GALNTL6: variants seen among roughly 807,000 people sequenced by gnomAD.
The protein encoded by GALNTL6 is polypeptide N-acetylgalactosaminyltransferase-like 6.
In GALNTL6, 46 loss-of-function variants were observed where a neutral mutation model predicts 73.7. The observed-to-expected ratio is 0.62, with a 90% CI of 0.49 to 0.80. The LOEUF is 0.80. Among genes scored for constraint, GALNTL6 ranks in the 30% least tolerant of loss-of-function variants. GALNTL6 has a pLI of 0.00. For missense variants in GALNTL6, 604 were observed against 755.0 expected, an observed-to-expected ratio of 0.80 and a Z score of 2.34; for synonymous variants, 259 against 263.7, an observed-to-expected ratio of 0.98 and a Z score of 0.17.
At chr4:172,172,607 G>A (rs1405917406) in intron 2 of GALNTL6, among the ~76,000 whole-genome samples, 1 of 152,010 alleles carries the variant, frequency 6.6e-6, no homozygotes, top group Non-Finnish European at 1.5e-5. Context: ...AAGGACAGAG[G>A]CTTCAGAAGA....
At chr4:172,522,216 G>A (rs891101145) in intron 5 of GALNTL6, among the ~76,000 whole-genome samples, 8 of 152,024 alleles carry the variant, frequency 5.3e-5, no homozygotes, top group Admixed American at 2.6e-4. Flanking sequence ...TATTTAAAGG[G>A]ATACCAAGTG....
At position 171,846,650 on chromosome 4, in the gene GALNTL6, TTATC is replaced by T. The variant is rs141657576; in HGVS notation, c.138+31940_138+31943del. Reference sequence around the variant, plus strand: ...ATTTAGGATTTAAGATTGTAATCTATTATCTATCTATGTCTATTCATATCTTTAT... The same window carrying T: ...ATTTAGGATTTAAGATTGTAATCTATTATCTATGTCTATTCATATCTTTAT... On this transcript the variant is annotated intron_variant, in intron 2 of 12. Coordinates refer to ENST00000506823, the MANE Select transcript of GALNTL6 (RefSeq NM_001034845.3). Among the ~76,000 whole-genome samples the T allele has an allele frequency of 7.8e-3, 1,185 of 151,802 alleles. 21 individuals are homozygous for T. Among genetic ancestry groups the T allele is most frequent in the African/African-American group, 0.027 (1,126 of 41,462 alleles).
chr4:171,884,461 G>T (rs150043368), intron 2 of GALNTL6, among the ~76,000 whole-genome samples: 222 of 152,050 alleles, frequency 1.5e-3, no homozygotes, highest in African/African-American at 5.0e-3. Context: ...AAGAAGCTTA[G>T]TGTCATGCTC....
chr4:172,160,704 C>CAT (rs1325042212), intron 2 of GALNTL6, among the ~76,000 whole-genome samples: 1 of 151,670 alleles, frequency 6.6e-6, no homozygotes. Context: ...ATACAAACTT[C>CAT]ATATATATGT....
chr4:172,310,194 A>C lies in GALNTL6; in HGVS notation c.248-1420A>C, dbSNP rs185248510. Among the ~76,000 whole-genome samples, 426 of 152,366 alleles carry C rather than the reference A, an allele frequency of 2.8e-3. 5 individuals carry two copies. The highest frequency in any genetic ancestry group is 2.2e-3 in the Non-Finnish European group (151 of 68,028). Reference sequence around the variant, plus strand: ...AGCAGTGAATGCCATGATAATGTTTAAATATGCATGAGCAAGTGTACAAAA... The same window carrying C: ...AGCAGTGAATGCCATGATAATGTTTCAATATGCATGAGCAAGTGTACAAAA... On this transcript the variant is annotated intron_variant, in intron 3 of 12. Coordinates refer to ENST00000506823, the MANE Select transcript of GALNTL6 (RefSeq NM_001034845.3).
chr4:172,042,033 T>C (rs1429154343), intron 2 of GALNTL6, among the ~76,000 whole-genome samples: 1 of 152,050 alleles, frequency 6.6e-6, no homozygotes, highest in Non-Finnish European at 1.5e-5. Flanking sequence ...AAAGGTCATG[T>C]GTAGAAAGCA....
At chr4:172,155,001 CTTTT>C (rs200223937) in intron 2 of GALNTL6, among the ~76,000 whole-genome samples, 4 of 143,994 alleles carry the variant, frequency 2.8e-5, no homozygotes, top group Non-Finnish European at 6.1e-5. Context: ...AAATCGTATC[CTTTT>C]TTTTTTTTTT....
intron 5 of GALNTL6, among the ~76,000 whole-genome samples, chr4:172,519,852 A>C (rs1409519049): frequency 6.6e-6 from 1 of 151,756 alleles, no homozygotes; most frequent in East Asian, 1.9e-4. Context: ...TAGCTTTAGA[A>C]AATGTCACAT....
intron 2 of GALNTL6, among the ~76,000 whole-genome samples, chr4:171,887,033 A>G (rs1736625904): frequency 6.6e-6 from 1 of 152,176 alleles, no homozygotes; most frequent in South Asian, 2.1e-4. Context: ...TTCATAATGA[A>G]CATAAATTTA....
intron 5 of GALNTL6, among the ~76,000 whole-genome samples, chr4:172,607,508 C>T (rs1185749430): frequency 6.6e-6 from 1 of 152,048 alleles, no homozygotes; most frequent in Non-Finnish European, 1.5e-5. Context: ...TTCCTATGGG[C>T]ATCTAGGTTG....
chr4:172,715,541 A>G (rs200669093), intron 5 of GALNTL6, among the ~76,000 whole-genome samples: 1 of 152,276 alleles, frequency 6.6e-6, no homozygotes, highest in East Asian at 1.9e-4. Context: ...TGGTATTCTT[A>G]TCACTGCTAG....
chr4:172,907,166 T>C (rs1746943148), intron 8 of GALNTL6, among the ~76,000 whole-genome samples: 1 of 150,890 alleles, frequency 6.6e-6, no homozygotes, highest in South Asian at 2.1e-4. Context: ...ACCCCATTAG[T>C]TTTTTCCAAA....
At chr4:172,771,916 A>G (rs756069668) in intron 5 of GALNTL6, among the ~76,000 whole-genome samples, 6 of 152,148 alleles carry the variant, frequency 3.9e-5, no homozygotes, top group Non-Finnish European at 7.3e-5. Flanking sequence ...TACAATTTGT[A>G]TTAGTCTGTT....
chr4:172,385,547 A>G (rs1375835814), intron 5 of GALNTL6, among the ~76,000 whole-genome samples: 1 of 151,948 alleles, frequency 6.6e-6, no homozygotes, highest in African/African-American at 2.4e-5. Context: ...TTGCTTTTAT[A>G]TCAATTTTTG....
chr4:173,009,296 T>C lies in GALNTL6; in HGVS notation c.1488+2T>C, dbSNP rs1455460712. 3 of 1,587,568 alleles carry C rather than the reference T, an allele frequency of 1.9e-6. No homozygotes were observed. The Admixed American group carries it at 5.0e-5, about 26-fold the overall frequency. ...GAAAGAACATGGTCTCATGAACAGG[T>C]GAGTCACCTCCCAGAAGCCAGGGCA... On this transcript the variant is annotated splice_donor_variant, in intron 11 of 12. Transcript: ENST00000506823. LOFTEE classifies it high-confidence loss of function.
chr4:172,387,515 G>A (rs2111295898), intron 5 of GALNTL6, among the ~76,000 whole-genome samples: 1 of 152,130 alleles, frequency 6.6e-6, no homozygotes, highest in Non-Finnish European at 1.5e-5. Context: ...TAATCTTATT[G>A]AAGATACCTT....
chr4:172,711,855 G>T (rs79411750), intron 5 of GALNTL6, among the ~76,000 whole-genome samples: 1 of 152,114 alleles, frequency 6.6e-6, no homozygotes, highest in Admixed American at 6.5e-5. Context: ...AAGACAGGAC[G>T]TCCACAACTA....
At chr4:172,230,606 A>G (rs2110969769) in intron 3 of GALNTL6, among the ~76,000 whole-genome samples, 1 of 152,136 alleles carries the variant, frequency 6.6e-6, no homozygotes, top group Admixed American at 6.5e-5. Context: ...AAAAAGAATA[A>G]GTCTTTCTAG....
rs1267062511 is a variant in GALNTL6, at chr4:172,069,613, AT to A, written c.139-160042del. Among the ~76,000 whole-genome samples, 43 of 28,858 alleles carry A rather than the reference AT, an allele frequency of 1.5e-3. 17 individuals carry two copies. Among genetic ancestry groups the A allele is most frequent in the African/African-American group, 4.2e-3 (34 of 8,086 alleles). The allele number at this position is 28,858 out of a possible 152,430, so 18.9% of individuals were successfully genotyped here. On this transcript the variant is annotated intron_variant, in intron 2 of 12. Coordinates refer to ENST00000506823, the MANE Select transcript of GALNTL6 (RefSeq NM_001034845.3). ...TATATAACACATATATGTTATATATATATAACATATATATATATCCTAAATT... is the reference window on the plus strand; with the variant it reads ...TATATAACACATATATGTTATATATAATAACATATATATATATCCTAAATT...
Sources: allele counts gnomAD v4.1 joint callset (sites outside exome capture counted in the v4.1 genomes callset), GRCh38; gene constraint gnomAD v4.1.1; transcripts MANE v1.5; gene names NCBI Gene and HGNC (gene_info 2026-07-23, HGNC 2026-07-21).